PTPRG: variants seen among roughly 807,000 people sequenced by gnomAD.
The protein encoded by PTPRG is protein tyrosine phosphatase receptor type G.
A neutral mutation model predicts 165.3 loss-of-function variants in PTPRG; 102 were observed. The ratio of observed to expected loss-of-function variants is 0.62; its 90% CI spans 0.53 to 0.73. PTPRG has a LOEUF of 0.73. PTPRG is among the 30% of genes least tolerant of loss of function. The pLI, the probability that PTPRG is intolerant of heterozygous loss-of-function variation, is 0.00. For missense variants in PTPRG, 1,866 were observed against 1,861.4 expected, an observed-to-expected ratio of 1.00 and a Z score of -0.05; for synonymous variants, 675 against 669.5, an observed-to-expected ratio of 1.01 and a Z score of -0.13.
chr3:61,790,539 G>C (rs762027004), intron 2 of PTPRG, among the ~76,000 whole-genome samples: 4 of 152,206 alleles, frequency 2.6e-5, no homozygotes, highest in Non-Finnish European at 5.9e-5. Flanking sequence ...CAGAGTTGCT[G>C]CTGATGTGTT....
intron 12 of PTPRG, among the ~76,000 whole-genome samples, chr3:62,208,344 G>A (rs773271756): frequency 1.4e-4 from 22 of 152,204 alleles, no homozygotes; most frequent in Non-Finnish European, 2.2e-4. Flanking sequence ...ATGCAGTACA[G>A]CATACCCTAC....
In PTPRG at chr3:62,240,399, C is replaced by G. The variant is rs185160012; in HGVS notation, c.2376-3408C>G. ...AAAAAATGGAAAACAGCCCATCTGT[C>G]TATATTTGGGTGAGACTATAATAAT... On this transcript the variant is annotated intron_variant, in intron 14 of 29. Transcript: ENST00000474889. This position sits in a 1 kb window ranked among gnomAD's most constrained non-coding sequence, Gnocchi z 5.1. Among the ~76,000 whole-genome samples, 4 of 152,224 alleles carry G rather than the reference C, an allele frequency of 2.6e-5. No homozygotes were observed. Among genetic ancestry groups the G allele is most frequent in the Admixed American group, 1.3e-4 (2 of 15,296 alleles).
At chr3:61,825,056 G>T (rs948913716) in intron 2 of PTPRG, among the ~76,000 whole-genome samples, 4 of 152,294 alleles carry the variant, frequency 2.6e-5, no homozygotes, top group African/African-American at 9.6e-5. Flanking sequence ...TAGAAGTAAA[G>T]AATTGTCTTT....
chr3:62,245,769 C>G lies in PTPRG; in HGVS notation c.2467+1871C>G, dbSNP rs1312494436. On this transcript the variant is annotated intron_variant, in intron 15 of 29. Coordinates refer to ENST00000474889, the MANE Select transcript of PTPRG (RefSeq NM_002841.4). The surrounding 1 kb of genome is among the most constrained non-coding windows in gnomAD (Gnocchi z 4.2). ...CAACTTTCCTTCCCAAATCATGGTA[C>G]TGGTAATCCCAGCAGTCATGGAGAG... Among the ~76,000 whole-genome samples the G allele has an allele frequency of 1.3e-5, 2 of 152,110 alleles. No homozygotes were observed. The highest frequency in any genetic ancestry group is 1.5e-5 in the Non-Finnish European group (1 of 68,008).
At chr3:61,842,477 G>A (rs1244375589) in intron 2 of PTPRG, among the ~76,000 whole-genome samples, 1 of 152,090 alleles carries the variant, frequency 6.6e-6, no homozygotes, top group African/African-American at 2.4e-5. Flanking sequence ...TCCCCTCCTT[G>A]TATTCCAGGG....
chr3:62,195,154 G>C lies in PTPRG; in HGVS notation c.1311G>C (p.Gln437His), dbSNP rs757153708. The C allele has an allele frequency of 6.2e-7, 1 of 1,614,198 alleles. No individual in the cohort carries two copies. Among genetic ancestry groups the C allele is most frequent in the East Asian group, 2.2e-5 (1 of 44,862 alleles). ...ACGACATGCGCAGCGACTTTAGCCA[G>C]ACGATGCTGTTTCAAGGTGAGGCTG... ...CRNDMRSDFS[Q>H]TMLFQANTTR... Residue 437 changes from glutamine (Q) to histidine (H), a missense_variant, in exon 10 of 30, where the codon CAG (glutamine) becomes CAC (histidine). Around this residue, in one of 3 missense-constraint regions of PTPRG, gnomAD observed 1,452 missense variants for 1,463.0 expected, o/e 0.99. Transcript: ENST00000474889. This position sits in a 1 kb window ranked among gnomAD's most constrained non-coding sequence, Gnocchi z 4.4.
At chr3:61,726,308 A>T (rs2032251637) in intron 1 of PTPRG, among the ~76,000 whole-genome samples, 1 of 152,088 alleles carries the variant, frequency 6.6e-6, no homozygotes, top group Non-Finnish European at 1.5e-5. Context: ...TTGATTTATG[A>T]CTTGGTGGGA....
chr3:62,167,889 T>A, intron 7 of PTPRG, 82 bp from the exon 8 acceptor site: 3 of 1,409,216 alleles, frequency 2.1e-6, no homozygotes, highest in Non-Finnish European at 3.0e-6. Flanking sequence ...TCACCTGCTT[T>A]GGACCAAATA....
intron 2 of PTPRG, among the ~76,000 whole-genome samples, chr3:61,965,240 G>A (rs1338482363): frequency 9.6e-6 from 1 of 104,146 alleles, no homozygotes; most frequent in African/African-American, 4.5e-5. Context: ...GCGAAACTCT[G>A]TCTCAAAAAA....
At chr3:61,996,791 C>A (rs935469876) in intron 3 of PTPRG, among the ~76,000 whole-genome samples, 15 of 152,158 alleles carry the variant, frequency 9.9e-5, no homozygotes, top group African/African-American at 3.4e-4. Context: ...TTTGCCTGAA[C>A]CCTGGAATTG....
intron 3 of PTPRG, among the ~76,000 whole-genome samples, chr3:61,990,832 A>G (rs1157876707): frequency 6.6e-6 from 1 of 151,510 alleles, no homozygotes. Context: ...CAGAGCCCTC[A>G]TGCTGGGCTA....
At chr3:61,856,037 G>A (rs2037097798) in intron 2 of PTPRG, among the ~76,000 whole-genome samples, 1 of 152,066 alleles carries the variant, frequency 6.6e-6, no homozygotes, top group African/African-American at 2.4e-5. Flanking sequence ...CTTATTGATT[G>A]GGAGGATGCT....
intron 2 of PTPRG, among the ~76,000 whole-genome samples, chr3:61,845,612 C>G (rs1156291796): frequency 6.6e-6 from 1 of 152,158 alleles, no homozygotes; most frequent in African/African-American, 2.4e-5. Context: ...GGAGTATTCT[C>G]TCTGTAAAGG....
chr3:61,742,569 C>G, intron 1 of PTPRG: 1 of 1,593,244 alleles, frequency 6.3e-7, no homozygotes, highest in Non-Finnish European at 8.5e-7. Flanking sequence ...GAATGTTATA[C>G]ACAAGCTCAT....
At chr3:62,275,024 T>G (rs905078919) in intron 23 of PTPRG, among the ~76,000 whole-genome samples, 1 of 152,026 alleles carries the variant, frequency 6.6e-6, no homozygotes, top group Middle Eastern at 3.2e-3. Context: ...GAATCAAACT[T>G]GAAAATGAAA....
intron 2 of PTPRG, among the ~76,000 whole-genome samples, chr3:61,880,691 G>A (rs1029626909): frequency 9.2e-5 from 14 of 151,540 alleles, no homozygotes; most frequent in Middle Eastern, 3.4e-3. Context: ...CATTTAATGC[G>A]AAGAAGAGCT....
chr3:62,030,335 C>G (rs1040781012), intron 4 of PTPRG, among the ~76,000 whole-genome samples: 1 of 152,084 alleles, frequency 6.6e-6, no homozygotes, highest in Non-Finnish European at 1.5e-5. Context: ...ATCCACCTGC[C>G]AGATTCCTCA....
chr3:61,802,499 G>A (rs1462183583), intron 2 of PTPRG, among the ~76,000 whole-genome samples: 3 of 152,214 alleles, frequency 2.0e-5, no homozygotes, highest in Non-Finnish European at 2.9e-5. Flanking sequence ...TTGTCAAACA[G>A]TTATGCCGGT....
Position 62,210,061 on chromosome 3 carries a change from C to G in PTPRG, c.2155+6111C>G, listed in dbSNP as rs1299774202. Among the ~76,000 whole-genome samples, 1 of 152,192 alleles carries G rather than the reference C, an allele frequency of 6.6e-6. No individual in the cohort carries two copies. Among genetic ancestry groups the G allele is most frequent in the Non-Finnish European group, 1.5e-5 (1 of 68,028 alleles). On this transcript the variant is annotated intron_variant, in intron 12 of 29. Coordinates refer to ENST00000474889, the MANE Select transcript of PTPRG (RefSeq NM_002841.4). The surrounding 1 kb of genome is among the most constrained non-coding windows in gnomAD (Gnocchi z 4.1). ...TTAGGATTTATCAAATGCCTCCCCA[C>G]TTTCCCACCACCTAATTGAAATAGA...
Sources: allele counts gnomAD v4.1 joint callset (sites outside exome capture counted in the v4.1 genomes callset), GRCh38; gene constraint gnomAD v4.1.1; regional missense constraint gnomAD v4.1.1; non-coding constraint Gnocchi (gnomAD v3.1); transcripts MANE v1.5; gene names NCBI Gene and HGNC (gene_info 2026-07-23, HGNC 2026-07-21).